Variants in ZPLD1 observed in about 807,000 individuals in gnomAD.
ZPLD1 encodes zona pellucida like domain containing 1.
Under a neutral mutation model 47.2 loss-of-function variants are expected in ZPLD1, and 34 were observed. That is an observed-to-expected ratio of 0.72 (90% CI 0.55 to 0.96). ZPLD1 has a LOEUF of 0.96. Ranked by LOEUF, ZPLD1 falls within the 40% of genes least tolerant of loss-of-function variation. ZPLD1 has a pLI of 0.00. For synonymous variants in ZPLD1, 176 were observed against 186.2 expected (o/e 0.95, Z 0.45); for missense variants, 512 against 505.8 (o/e 1.01, Z -0.12).
intron 6 of ZPLD1, among the ~76,000 whole-genome samples, chr3:102,459,288 G>A (rs891445310): frequency 3.9e-5 from 6 of 152,028 alleles, no homozygotes; most frequent in Admixed American, 2.0e-4. Context: ...CTTGAGTTGA[G>A]ATTACTAGTT....
intron 6 of ZPLD1, among the ~76,000 whole-genome samples, chr3:102,389,001 T>C (rs62274716): frequency 0.13 from 20,157 of 152,198 alleles, 1,402 homozygotes; most frequent in Middle Eastern, 0.17. Context: ...GTTGTATAAC[T>C]TCAGTTTAAC....
chr3:102,464,354 C>T (rs1270382320), intron 8 of ZPLD1, 103 bp downstream of exon 8: 3 of 767,230 alleles, frequency 3.9e-6, no homozygotes, highest in East Asian at 2.8e-5. Flanking sequence ...ACTATTATAG[C>T]TTTTGAATTT....
At chr3:102,413,229 T>C (rs1200827291) in intron 7 of ZPLD1, among the ~76,000 whole-genome samples, 3 of 151,848 alleles carry the variant, frequency 2.0e-5, no homozygotes, top group Admixed American at 6.6e-5. Flanking sequence ...AGACTATTTT[T>C]TTAACAGTAA....
intron 8 of ZPLD1, among the ~76,000 whole-genome samples, chr3:102,419,875 T>A (rs1164730227): frequency 6.6e-6 from 1 of 151,914 alleles, no homozygotes; most frequent in Non-Finnish European, 1.5e-5. Context: ...ACTCATTTTT[T>A]TTTTTTTGGT....
chr3:102,404,905 A>G lies in ZPLD1; in HGVS notation c.-157+12680A>G, dbSNP rs111824828. Among the ~76,000 whole-genome samples, 627 of 152,120 alleles carry G rather than the reference A, an allele frequency of 4.1e-3. 2 individuals are homozygous for G. The highest frequency in any genetic ancestry group is 9.6e-3 in the Admixed American group (146 of 15,254). On this transcript the variant is annotated intron_variant, in intron 7 of 17. Coordinates refer to the ZPLD1 transcript ENST00000491959. ...TTACGTATTATATAACAGAAAAGCC[A>G]TATCAAAGCTGTAATATTCTCAGAG... is the stretch of plus-strand genomic sequence containing the variant.
intron 7 of ZPLD1, among the ~76,000 whole-genome samples, chr3:102,412,201 C>G (rs1706753852): frequency 6.6e-6 from 1 of 151,766 alleles, no homozygotes; most frequent in African/African-American, 2.4e-5. Context: ...TATCTAAAAA[C>G]CATCTTCATA....
At chr3:102,401,090 A>G (rs1254290177) in intron 7 of ZPLD1, among the ~76,000 whole-genome samples, 2 of 152,088 alleles carry the variant, frequency 1.3e-5, no homozygotes, top group Non-Finnish European at 2.9e-5. Flanking sequence ...AGAAGAAAAC[A>G]AGGTGTAGCC....
chr3:102,409,478 A>G (rs992850627), intron 7 of ZPLD1, among the ~76,000 whole-genome samples: 2 of 151,842 alleles, frequency 1.3e-5, no homozygotes, highest in Non-Finnish European at 2.9e-5. Context: ...ATCACTGCCC[A>G]GAATATTTCC....
In ZPLD1 at chr3:102,464,237, T is replaced by C. The variant is rs1707556198; in HGVS notation, c.747T>C (p.Tyr249=). The part of the protein sequence containing the change: ...PSGNPNDDIR[Y]DLFLSCDKDP... The stretch of plus-strand genomic sequence containing the variant: ...GAAACCCAAATGATGACATTCGATA[T>C]GATCTTTTCCTTAGGTAAGACTTAG... The change falls in exon 8 of 12, where the codon TAT becomes TAC. Residue 249 remains tyrosine, a synonymous_variant. Coordinates refer to ENST00000466937, the MANE Select transcript of ZPLD1 (RefSeq NM_001329788.2). 6.2e-7 allele frequency: 1 copy of C among 1,611,980 alleles called. No homozygotes were observed. Among genetic ancestry groups the C allele is most frequent in the Non-Finnish European group, 8.5e-7 (1 of 1,178,192 alleles).
chr3:102,408,864 G>A (rs1240403254), intron 7 of ZPLD1, among the ~76,000 whole-genome samples: 1 of 151,648 alleles, frequency 6.6e-6, no homozygotes, highest in Non-Finnish European at 1.5e-5. Flanking sequence ...AATCAGTCTG[G>A]AAGTATAATA....
Position 102,456,269 on chromosome 3 carries a change from A to G in ZPLD1, c.404A>G (p.Asp135Gly). Residue 135 changes from aspartate (D) to glycine (G), a missense_variant, in exon 5 of 12, where the codon GAT becomes GGT. Physicochemically the swap from Asp to Gly is moderately conservative, Grantham distance 94. Transcript: ENST00000466937. ...GTAGGAAATATTTCAGGATATATTG[A>G]TACTCCAGACCCACCAACAATCATC... ...VQVGNISGYIDTPDPPTIISY... is the reference protein window; with the variant it reads ...VQVGNISGYIGTPDPPTIISY... 3 of 1,613,902 alleles carry G rather than the reference A, an allele frequency of 1.9e-6. No homozygotes were observed. The highest frequency in any genetic ancestry group is 1.7e-6 in the Non-Finnish European group (2 of 1,179,874).
intron 7 of ZPLD1, among the ~76,000 whole-genome samples, chr3:102,414,228 G>A (rs1271675470): frequency 2.0e-5 from 3 of 151,838 alleles, no homozygotes; most frequent in African/African-American, 7.2e-5. Context: ...AATGTGTATT[G>A]AAAGTATAGC....
chr3:102,446,026 A>T (rs998230892), intron 3 of ZPLD1, among the ~76,000 whole-genome samples: 5 of 152,250 alleles, frequency 3.3e-5, no homozygotes, highest in African/African-American at 1.2e-4. Flanking sequence ...GAATACAGAT[A>T]GATGAACATT....
At chr3:102,429,594 G>A (rs2107313156) in intron 8 of ZPLD1, among the ~76,000 whole-genome samples, 1 of 152,230 alleles carries the variant, frequency 6.6e-6, no homozygotes, top group Admixed American at 6.5e-5. Flanking sequence ...GTTTGACTAT[G>A]ACTTGATATT....
intron 10 of ZPLD1, among the ~76,000 whole-genome samples, chr3:102,470,855 T>A (rs111868255): frequency 0.013 from 1,938 of 151,174 alleles, 45 homozygotes; most frequent in African/African-American, 0.045. Flanking sequence ...CTCGGCTCAC[T>A]GCAACCTCCG....
intron 7 of ZPLD1, among the ~76,000 whole-genome samples, chr3:102,414,778 A>G (rs557114631): frequency 1.3e-5 from 2 of 151,988 alleles, no homozygotes; most frequent in East Asian, 1.9e-4. Context: ...CCCAAAAAAA[A>G]CAAACAGATG....
intron 9 of ZPLD1, 151 bp from the exon 10 acceptor site, chr3:102,470,243 T>C (rs952442741): frequency 1.6e-5 from 10 of 639,728 alleles, no homozygotes; most frequent in Non-Finnish European, 2.5e-5. Context: ...ACTGTAGCAG[T>C]TACATGCAAA....
chr3:102,386,148 G>T (rs1706422268), intron 6 of ZPLD1, among the ~76,000 whole-genome samples: 1 of 152,110 alleles, frequency 6.6e-6, no homozygotes, highest in South Asian at 2.1e-4. Flanking sequence ...GCTGGAAAGA[G>T]ATTCCTCATG....
chr3:102,436,744 A>C (rs1707096914), intron 1 of ZPLD1, 116 bp from the exon 2 acceptor site: 1 of 321,636 alleles, frequency 3.1e-6, no homozygotes, highest in African/African-American at 2.2e-5. Context: ...TCTTTGTGCA[A>C]AGTGTACATT....
Sources: allele counts gnomAD v4.1 joint callset (sites outside exome capture counted in the v4.1 genomes callset), GRCh38; gene constraint gnomAD v4.1.1; transcripts MANE v1.5; gene names NCBI Gene and HGNC (gene_info 2026-07-23, HGNC 2026-07-21).